Variants in SLC9A8 observed in about 807,000 individuals in gnomAD.
SLC9A8 encodes solute carrier family 9 member A8.
SLC9A8 carries 48 observed loss-of-function variants against 66.6 expected under a neutral mutation model. That is an observed-to-expected ratio of 0.72 (90% confidence interval 0.57 to 0.92). SLC9A8 has a LOEUF of 0.92. SLC9A8 is among the 40% of genes least tolerant of loss of function. The pLI is 0.00. For synonymous variants in SLC9A8, 274 were observed against 282.6 expected (o/e 0.97, Z 0.31); for missense variants, 599 against 747.3 (o/e 0.80, Z 2.31).
rs1650416400 is a variant in SLC9A8 at position 49,884,256 on chromosome 20, CA to C, written c.1491+191del. The C allele has an allele frequency of 2.5e-5, 7 of 285,632 alleles. 1 individual carries two copies. Among genetic ancestry groups the C allele is most frequent in the African/African-American group, 9.8e-5 (2 of 20,356 alleles). The allele number at this position is 285,632 out of a possible 1,614,324, so 17.7% of individuals were successfully genotyped here. A position where few individuals can be genotyped will look rare whatever the true frequency, so the allele number is the denominator to read the frequency against. On this transcript the variant is annotated intron_variant, in intron 14 of 15. Transcript: ENST00000361573. ...CACACACACACGACACACACACACACACGACACACACACACACGACACACAC... is the reference window on the plus strand; with the variant it reads ...CACACACACACGACACACACACACACCGACACACACACACACGACACACAC...
chr20:49,846,717 C>T (rs535709763), intron 5 of SLC9A8, among the ~76,000 whole-genome samples: 1 of 152,038 alleles, frequency 6.6e-6, no homozygotes, highest in African/African-American at 2.4e-5. Context: ...AGTTCAAGAC[C>T]AGTCTGGCCA....
At position 49,856,265 on chromosome 20, in the gene SLC9A8, T is replaced by C. The variant is rs1224128440; in HGVS notation, c.713+684T>C. 2.0e-5 allele frequency among the ~76,000 whole-genome samples: 3 copies of C among 152,270 alleles called. 1 individual carries two copies. The highest frequency in any genetic ancestry group is 1.5e-5 in the Non-Finnish European group (1 of 68,006). ...GGGTTTTTAATAAGTTCCCCAGATA[T>C]GATGAAGCGGCCTGTTCAGGGGTCA... On this transcript the variant is annotated intron_variant, in intron 8 of 15. Transcript: ENST00000361573.
At chr20:49,812,991 GC>G in intron 1 of SLC9A8, 43 bp downstream of exon 1, 2 of 1,368,460 alleles carry the variant, frequency 1.5e-6, no homozygotes, top group Non-Finnish European at 1.9e-6. Context: ...GCGGGGCTGG[GC>G]CCCGGCGGGT....
intron 10 of SLC9A8, among the ~76,000 whole-genome samples, chr20:49,866,400 T>C (rs982250422): frequency 2.6e-5 from 4 of 152,220 alleles, no homozygotes; most frequent in South Asian, 2.1e-4. Context: ...GGCTGCTAGG[T>C]CATATGGTAA....
intron 10 of SLC9A8, among the ~76,000 whole-genome samples, chr20:49,865,979 C>G (rs1164362394): frequency 6.6e-6 from 1 of 152,192 alleles, no homozygotes; most frequent in African/African-American, 2.4e-5. Flanking sequence ...GTATAATTTA[C>G]ACACAATACA....
rs1452757299 is a variant in SLC9A8, at chr20:49,883,940, C to T, written c.1365C>T (p.Ile455=). The change falls in exon 14 of 16, where the codon ATC becomes ATT. Residue 455 remains isoleucine (I), a synonymous_variant. Coordinates refer to ENST00000361573, the MANE Select transcript of SLC9A8 (RefSeq NM_015266.3). ...TCATCGGCACCACCACCATCGTCAT[C>T]GTGCTCTTCACCATCCTGCTGCTGG... ...RQLIGTTTIV[I]VLFTILLLGG... The T allele has an allele frequency of 7.4e-6, 12 of 1,612,702 alleles. No individual in the cohort carries two copies. The African/African-American group carries it at 8.0e-5, about 11-fold the overall frequency.
intron 10 of SLC9A8, among the ~76,000 whole-genome samples, chr20:49,869,310 C>T (rs2146699325): frequency 6.6e-6 from 1 of 152,240 alleles, no homozygotes; most frequent in Admixed American, 6.5e-5. Context: ...ACCTCTGCCT[C>T]CCAGGTTCAA....
chr20:49,885,174 AC>A (rs1479418552), intron 14 of SLC9A8, among the ~76,000 whole-genome samples: 1 of 151,726 alleles, frequency 6.6e-6, no homozygotes, highest in Non-Finnish European at 1.5e-5. Context: ...CTTTGCCCCC[AC>A]CCCCTATCTA....
chr20:49,817,303 G>A (rs2086585951), intron 2 of SLC9A8, among the ~76,000 whole-genome samples: 1 of 151,732 alleles, frequency 6.6e-6, no homozygotes, highest in African/African-American at 2.4e-5. Flanking sequence ...AGTGACAAGA[G>A]GGAAACTCCA....
intron 4 of SLC9A8, among the ~76,000 whole-genome samples, chr20:49,844,069 C>T (rs944041222): frequency 3.9e-5 from 6 of 152,022 alleles, no homozygotes; most frequent in East Asian, 3.9e-4. Context: ...TGAACTTTTC[C>T]GGACAGCAGA....
chr20:49,850,698 G>A lies in SLC9A8; in HGVS notation c.535-112G>A. 3 of 1,375,112 alleles carry A rather than the reference G, an allele frequency of 2.2e-6. No homozygotes were observed. The East Asian group carries it at 7.1e-5, about 32-fold the overall frequency. 85.2% of individuals were successfully genotyped at this position (1,375,112 alleles called of 1,614,324 possible). ...TTTTTCAAGTGGTTTGGGAACTGAAGATTAATGTCCTTATTAGTTTTAATA... is the reference window on the plus strand; with the variant it reads ...TTTTTCAAGTGGTTTGGGAACTGAAAATTAATGTCCTTATTAGTTTTAATA... On this transcript the variant is annotated intron_variant, in intron 6 of 15. Transcript: ENST00000361573.
At chr20:49,831,831 C>T (rs1480648481) in intron 3 of SLC9A8, among the ~76,000 whole-genome samples, 20 of 152,208 alleles carry the variant, frequency 1.3e-4, no homozygotes, top group Admixed American at 1.2e-3. Flanking sequence ...CCTGGCTTTC[C>T]AGGGAGTATG....
chr20:49,839,976 T>C lies in SLC9A8; in HGVS notation c.348+377T>C, dbSNP rs199976328. Among the ~76,000 whole-genome samples the C allele has an allele frequency of 3.9e-5, 6 of 152,210 alleles. No homozygotes were observed. The East Asian group carries it at 7.7e-4, about 19-fold the overall frequency. ...ATAATAAAACATACTTGTCCAGTAC[T>C]GTGAGACACAGTACTTTATATATTG... On this transcript the variant is annotated intron_variant, in intron 4 of 15. Coordinates refer to ENST00000361573, the MANE Select transcript of SLC9A8 (RefSeq NM_015266.3).
chr20:49,846,654 C>T (rs1400493475), intron 5 of SLC9A8, among the ~76,000 whole-genome samples: 1 of 152,006 alleles, frequency 6.6e-6, no homozygotes, highest in Non-Finnish European at 1.5e-5. Flanking sequence ...TGGCTCATGC[C>T]TATAATCCCA....
At chr20:49,813,480 A>G (rs2086433961) in intron 1 of SLC9A8, among the ~76,000 whole-genome samples, 1 of 152,232 alleles carries the variant, frequency 6.6e-6, no homozygotes, top group South Asian at 2.1e-4. Context: ...CTAGTGGGAA[A>G]AGAAGACCAT....
chr20:49,834,175 CTCTCTCTCTCTATATA>C (rs1364561743), intron 3 of SLC9A8, among the ~76,000 whole-genome samples: 966 of 57,722 alleles, frequency 0.017, 9 homozygotes, highest in Middle Eastern at 0.025. Flanking sequence ...CTCTCTCTCT[CTCTCTCTCTCTATATA>C]TATATATATA....
intron 10 of SLC9A8, among the ~76,000 whole-genome samples, chr20:49,865,997 G>A (rs533343908): frequency 1.3e-5 from 2 of 152,272 alleles, no homozygotes; most frequent in South Asian, 2.1e-4. Context: ...ACATGGACCC[G>A]TTCTAAGTAT....
chr20:49,865,736 G>A (rs767839860), intron 10 of SLC9A8, among the ~76,000 whole-genome samples: 2 of 152,210 alleles, frequency 1.3e-5, no homozygotes, highest in African/African-American at 2.4e-5. Flanking sequence ...TCAAGCTTGC[G>A]TCCACAGCTT....
chr20:49,852,591 T>G (rs1029003765), intron 7 of SLC9A8, among the ~76,000 whole-genome samples: 2 of 152,226 alleles, frequency 1.3e-5, no homozygotes, highest in Non-Finnish European at 2.9e-5. Flanking sequence ...TTGCTATCTT[T>G]TGGGGCTATG....
Sources: allele counts gnomAD v4.1 joint callset (sites outside exome capture counted in the v4.1 genomes callset), GRCh38; gene constraint gnomAD v4.1.1; transcripts MANE v1.5; gene names NCBI Gene and HGNC (gene_info 2026-07-23, HGNC 2026-07-21).